The following RABEP1 variants were observed in gnomAD, a reference collection of about 807,000 sequenced individuals.
RABEP1 encodes rab GTPase-binding effector protein 1.
RABEP1 carries 51 observed loss-of-function variants against 123.4 expected under a neutral mutation model. The ratio of observed to expected loss-of-function variants is 0.41; its 90% confidence interval spans 0.33 to 0.52. The LOEUF is 0.52. RABEP1 is among the 20% of genes least tolerant of loss of function. The pLI, the probability that RABEP1 is intolerant of heterozygous loss-of-function variation, is 0.16. For synonymous variants in RABEP1, 347 were observed against 355.2 expected, an observed-to-expected ratio of 0.98 and a Z score of 0.26; for missense variants, 888 against 996.3, an observed-to-expected ratio of 0.89 and a Z score of 1.46.
chr17:5,325,229 G>C (rs1905854526), intron 2 of RABEP1, among the ~76,000 whole-genome samples: 2 of 152,088 alleles, frequency 1.3e-5, no homozygotes, highest in South Asian at 4.1e-4. Context: ...CCAGCTACTT[G>C]GGAAGCTGAG....
chr17:5,347,702 C>G (rs1280149666), intron 6 of RABEP1, among the ~76,000 whole-genome samples: 1 of 152,118 alleles, frequency 6.6e-6, no homozygotes, highest in Non-Finnish European at 1.5e-5. Context: ...TCTTTCCCCA[C>G]TAAAATATTA....
intron 3 of RABEP1, among the ~76,000 whole-genome samples, chr17:5,334,659 T>C (rs1567529450): frequency 6.6e-6 from 1 of 152,218 alleles, no homozygotes; most frequent in Non-Finnish European, 1.5e-5. Context: ...TGAGCCACTA[T>C]GCCCGGCCAC....
intron 1 of RABEP1, among the ~76,000 whole-genome samples, chr17:5,301,553 A>G (rs1414625644): frequency 1.3e-5 from 2 of 152,196 alleles, no homozygotes; most frequent in Non-Finnish European, 2.9e-5. Context: ...ACCAGAATAT[A>G]AATCCATGTA....
intron 12 of RABEP1, among the ~76,000 whole-genome samples, chr17:5,372,607 C>T (rs546557076): frequency 2.3e-4 from 35 of 152,308 alleles, no homozygotes; most frequent in African/African-American, 8.2e-4. Flanking sequence ...CTCTGTTTCT[C>T]CCTCCTTTCT....
intron 1 of RABEP1, among the ~76,000 whole-genome samples, chr17:5,290,153 T>C (rs957535747): frequency 6.6e-6 from 1 of 152,236 alleles, no homozygotes; most frequent in Non-Finnish European, 1.5e-5. Flanking sequence ...AGTGGCACGA[T>C]CTCAGCTCAC....
rs1363006756 is a variant in RABEP1, at chr17:5,338,074, T to C, written c.584T>C (p.Ile195Thr). 1 of 1,613,488 alleles carries C rather than the reference T, an allele frequency of 6.2e-7. No individual in the cohort carries two copies. The highest frequency in any genetic ancestry group is 8.5e-7 in the Non-Finnish European group (1 of 1,179,644). ...RSVVMPMEKE[I>T]AALKDKLTEA... ...GTTGTGATGCCAATGGAAAAGGAAA[T>C]TGCAGCTTTGAAGGATAAACTGACA... Residue 195 changes from isoleucine to threonine, a missense_variant, in exon 5 of 18, where the codon ATT (isoleucine) becomes ACT (threonine). Physicochemically the swap from Ile to Thr is moderately conservative, Grantham distance 89. Coordinates refer to ENST00000537505, the MANE Select transcript of RABEP1 (RefSeq NM_004703.6).
intron 2 of RABEP1, among the ~76,000 whole-genome samples, chr17:5,325,119 C>T (rs1410799464): frequency 1.3e-5 from 2 of 152,032 alleles, no homozygotes; most frequent in Non-Finnish European, 2.9e-5. Context: ...TCGAGACCAG[C>T]CTGGGCAACA....
intron 2 of RABEP1, among the ~76,000 whole-genome samples, chr17:5,331,027 C>CTTTT (rs1187502263): frequency 1.1e-5 from 1 of 87,060 alleles, no homozygotes; most frequent in South Asian, 4.5e-4. Flanking sequence ...TATCTCTTAA[C>CTTTT]TTTTTTTTTT....
chr17:5,304,626 C>G (rs1344861048), intron 1 of RABEP1, among the ~76,000 whole-genome samples: 3 of 152,148 alleles, frequency 2.0e-5, no homozygotes, highest in East Asian at 3.9e-4. Flanking sequence ...ATAATTTCTC[C>G]CTTTTTCTTA....
At chr17:5,375,158 T>C (rs917888154) in intron 13 of RABEP1, among the ~76,000 whole-genome samples, 14 of 152,032 alleles carry the variant, frequency 9.2e-5, no homozygotes, top group Admixed American at 2.6e-4. Flanking sequence ...TTCCCCTAAT[T>C]ATACCCTACA....
chr17:5,356,235 A>G (rs1909004620), intron 8 of RABEP1, among the ~76,000 whole-genome samples: 1 of 152,158 alleles, frequency 6.6e-6, no homozygotes, highest in Non-Finnish European at 1.5e-5. Context: ...GGATCCCTGT[A>G]ATCCCAGCTA....
At chr17:5,316,855 A>AAAT (rs2075302656) in intron 2 of RABEP1, among the ~76,000 whole-genome samples, 2 of 139,378 alleles carry the variant, frequency 1.4e-5, no homozygotes, top group South Asian at 2.2e-4. Context: ...AAAAAAAAAA[A>AAAT]ATATAAGAAA....
chr17:5,367,230 C>T (rs933485023), intron 11 of RABEP1, among the ~76,000 whole-genome samples: 6 of 147,896 alleles, frequency 4.1e-5, no homozygotes, highest in Admixed American at 2.0e-4. Context: ...ATCTAAAATT[C>T]CTCTAGAACT....
intron 1 of RABEP1, among the ~76,000 whole-genome samples, chr17:5,297,041 T>G (rs552018126): frequency 3.9e-4 from 60 of 152,326 alleles, no homozygotes; most frequent in Non-Finnish European, 8.2e-4. Flanking sequence ...CCCAGCTTTT[T>G]GTTAGTTTTC....
At chr17:5,294,466 G>C (rs2075061706) in intron 1 of RABEP1, among the ~76,000 whole-genome samples, 1 of 151,752 alleles carries the variant, frequency 6.6e-6, no homozygotes, top group Admixed American at 6.6e-5. Context: ...CATTGTATTA[G>C]GTATTATAAG....
At chr17:5,332,595 A>AAT (rs200042776) in intron 3 of RABEP1, among the ~76,000 whole-genome samples, 10,073 of 98,068 alleles carry the variant, frequency 0.1, 483 homozygotes, top group East Asian at 0.35. Context: ...TACGTTTTAG[A>AAT]ATTTTTTTTT....
At chr17:5,363,202 C>CTT (rs560141702) in intron 10 of RABEP1, among the ~76,000 whole-genome samples, 186 bp downstream of exon 10, 4 of 135,646 alleles carry the variant, frequency 2.9e-5, no homozygotes, top group South Asian at 2.5e-4. Context: ...TAGGACTCTG[C>CTT]TTTTTTTTTT....
chr17:5,379,838 CA>C lies in RABEP1; in HGVS notation c.2272-525del, dbSNP rs556238375. ...TCCCTTTATTTTACAGGATCAAGTC[CA>C]TATCCTTAGCCCAGCCAGAGCTCTC... is the stretch of plus-strand genomic sequence containing the variant. On this transcript the variant is annotated intron_variant, in intron 15 of 17. Transcript: ENST00000537505. Among the ~76,000 whole-genome samples the C allele has an allele frequency of 1.9e-3, 293 of 152,278 alleles. 4 individuals are homozygous for C. The highest frequency in any genetic ancestry group is 0.016 in the Admixed American group (243 of 15,302).
At chr17:5,349,705 G>A (rs1388691710) in intron 6 of RABEP1, among the ~76,000 whole-genome samples, 3 of 151,754 alleles carry the variant, frequency 2.0e-5, no homozygotes, top group African/African-American at 4.8e-5. Context: ...TATTTGAGTT[G>A]TACTGTGAAA....
Sources: allele counts gnomAD v4.1 joint callset (sites outside exome capture counted in the v4.1 genomes callset), GRCh38; gene constraint gnomAD v4.1.1; transcripts MANE v1.5; gene names NCBI Gene and HGNC (gene_info 2026-07-23, HGNC 2026-07-21).